The following UST variants were observed in gnomAD, a reference collection of about 807,000 sequenced individuals.
UST encodes the protein uronyl 2-sulfotransferase, also known as chondroitin sulfate 2-O-sulfotransferase.
A neutral mutation model predicts 45.6 loss-of-function variants in UST; 21 were observed. That is an observed-to-expected ratio of 0.46 (90% CI 0.33 to 0.66). The LOEUF is 0.66. UST is among the 30% of genes least tolerant of loss of function. The pLI, the probability that UST is intolerant of heterozygous loss-of-function variation, is 0.02. For synonymous variants in UST, 215 were observed against 200.6 expected (o/e 1.07, Z -0.61); for missense variants, 463 against 512.4 (o/e 0.90, Z 0.93).
intron 5 of UST, among the ~76,000 whole-genome samples, chr6:149,008,751 C>T (rs1028857195): frequency 6.6e-6 from 1 of 152,174 alleles, no homozygotes; most frequent in African/African-American, 2.4e-5. Flanking sequence ...TATTTCATCC[C>T]TACCTGGGAA....
rs375903328 is a variant in UST at position 148,969,985 on chromosome 6, G to A, written c.681+5422G>A. Among the ~76,000 whole-genome samples, 42 of 152,322 alleles carry A rather than the reference G, an allele frequency of 2.8e-4. No individual in the cohort carries two copies. In the East Asian group the frequency reaches 4.3e-3, roughly 15 times the overall value. On this transcript the variant is annotated intron_variant, in intron 5 of 7. Transcript: ENST00000367463. ...GCACTCTCCCTCTCCGAGGAGTAAC[G>A]AGAAAGGCACGCCAGAGCCGAATGC...
chr6:148,957,459 T>A (rs1022186903), intron 4 of UST, among the ~76,000 whole-genome samples: 2 of 152,196 alleles, frequency 1.3e-5, no homozygotes, highest in Non-Finnish European at 2.9e-5. Flanking sequence ...TTACTTTTTT[T>A]TGAGATGGAG....
chr6:148,762,591 G>T (rs961591), intron 1 of UST, among the ~76,000 whole-genome samples: 2 of 150,748 alleles, frequency 1.3e-5, no homozygotes, highest in Non-Finnish European at 3.0e-5. Context: ...TTTTACATGG[G>T]TATATTGCAT....
In UST at chr6:149,076,855, G is replaced by T. The variant is rs953947505; in HGVS notation, c.*2739G>T. Reference sequence around the variant, plus strand: ...GAACCTTCAGCCTACTTTCTTGAGTGCCGTAAAAGTGCTTGTAAATCTTTT... The same window carrying T: ...GAACCTTCAGCCTACTTTCTTGAGTTCCGTAAAAGTGCTTGTAAATCTTTT... On this transcript the variant is annotated 3_prime_UTR_variant, in exon 8 of 8. Coordinates refer to ENST00000367463, the MANE Select transcript of UST (RefSeq NM_005715.3). 2.0e-5 allele frequency: 3 copies of T among 151,300 alleles called. No individual in the cohort carries two copies. The highest frequency in any genetic ancestry group is 7.3e-5 in the African/African-American group (3 of 41,048). 9.4% of individuals were successfully genotyped at this position (151,300 alleles called of 1,614,324 possible).
intron 7 of UST, 140 bp downstream of exon 7, chr6:149,021,621 GGAAA>G: frequency 3.9e-6 from 4 of 1,022,912 alleles, no homozygotes; most frequent in Non-Finnish European, 5.6e-6. Flanking sequence ...GGCTTGCAAA[GGAAA>G]GTTAGAACCA....
rs529509838 is a variant in UST at position 149,026,271 on chromosome 6, G to A, written c.937+4790G>A. Among the ~76,000 whole-genome samples, 14 of 151,964 alleles carry A rather than the reference G, an allele frequency of 9.2e-5. No homozygotes were observed. In the East Asian group the frequency reaches 1.5e-3, roughly 17 times the overall value. ...GAGGCTGCAGTGAGCTATGATGATC[G>A]CACCCATTGCACTCTAGCCTAGGTG... On this transcript the variant is annotated intron_variant, in intron 7 of 7. Coordinates refer to ENST00000367463, the MANE Select transcript of UST (RefSeq NM_005715.3).
intron 2 of UST, among the ~76,000 whole-genome samples, chr6:148,892,670 GA>G (rs748689455): frequency 1.5e-3 from 222 of 152,278 alleles, no homozygotes; most frequent in Non-Finnish European, 2.2e-3. Context: ...TCTTGCACAA[GA>G]AAAATAGAAC....
intron 1 of UST, among the ~76,000 whole-genome samples, chr6:148,852,894 G>A (rs974144948): frequency 2.0e-5 from 3 of 152,138 alleles, no homozygotes; most frequent in African/African-American, 4.8e-5. Context: ...GCCCAGCACC[G>A]AGGACAGTGC....
chr6:148,914,848 A>G (rs1779553745), intron 2 of UST, among the ~76,000 whole-genome samples: 1 of 152,242 alleles, frequency 6.6e-6, no homozygotes, highest in African/African-American at 2.4e-5. Context: ...TATACATGTA[A>G]TATAAAAGAT....
At chr6:148,998,734 A>C (rs1781494930) in intron 5 of UST, among the ~76,000 whole-genome samples, 1 of 152,254 alleles carries the variant, frequency 6.6e-6, no homozygotes, top group Non-Finnish European at 1.5e-5. Flanking sequence ...AGATGAGTCA[A>C]TATTAGAAGG....
intron 1 of UST, among the ~76,000 whole-genome samples, chr6:148,872,894 G>C (rs1286795324): frequency 6.6e-6 from 1 of 152,140 alleles, no homozygotes; most frequent in African/African-American, 2.4e-5. Flanking sequence ...TTCGTCCCAA[G>C]TAATCTAGGA....
intron 7 of UST, among the ~76,000 whole-genome samples, chr6:149,070,333 A>G (rs1431569722): frequency 2.6e-5 from 4 of 152,244 alleles, no homozygotes; most frequent in Non-Finnish European, 5.9e-5. Context: ...CCCGCCCCAG[A>G]TTAGCTAGAG....
At chr6:148,910,564 A>G (rs1779452805) in intron 2 of UST, among the ~76,000 whole-genome samples, 1 of 152,118 alleles carries the variant, frequency 6.6e-6, no homozygotes, top group African/African-American at 2.4e-5. Flanking sequence ...CCACAGACTC[A>G]CATCTTTAAA....
chr6:148,774,404 A>G (rs1776491211), intron 1 of UST, among the ~76,000 whole-genome samples: 1 of 151,930 alleles, frequency 6.6e-6, no homozygotes, highest in African/African-American at 2.4e-5. Context: ...ATTATTTGTG[A>G]AATGTGTAAA....
At chr6:148,859,025 G>A (rs1401144200) in intron 1 of UST, among the ~76,000 whole-genome samples, 1 of 152,190 alleles carries the variant, frequency 6.6e-6, no homozygotes, top group Non-Finnish European at 1.5e-5. Flanking sequence ...GTAATGGGAT[G>A]GCTTGGTCAA....
intron 2 of UST, among the ~76,000 whole-genome samples, chr6:148,888,242 A>C (rs978902723): frequency 6.6e-6 from 1 of 152,050 alleles, no homozygotes; most frequent in Non-Finnish European, 1.5e-5. Context: ...ACCAGATCTC[A>C]CAGGAACTCA....
intron 7 of UST, among the ~76,000 whole-genome samples, chr6:149,026,853 A>G (rs1371065194): frequency 6.6e-6 from 1 of 152,230 alleles, no homozygotes; most frequent in African/African-American, 2.4e-5. Context: ...AAATGTAAAC[A>G]CTGGAGCCAC....
At chr6:148,910,134 C>CTTTTTTTTTTTTTTTTTT (rs148286486) in intron 2 of UST, among the ~76,000 whole-genome samples, 1 of 103,444 alleles carries the variant, frequency 9.7e-6, no homozygotes, top group Non-Finnish European at 1.9e-5. Flanking sequence ...GCCTGGGATG[C>CTTTTTTTTTTTTTTTTTT]TTTTTTTTTT....
intron 5 of UST, among the ~76,000 whole-genome samples, chr6:148,970,906 C>T (rs1053575365): frequency 9.2e-5 from 14 of 152,194 alleles, no homozygotes; most frequent in Non-Finnish European, 1.3e-4. Context: ...CCCGATAATC[C>T]GGCATAGTGT....
Sources: gnomAD v4.1 joint callset for allele counts (sites outside exome capture counted in the v4.1 genomes callset) on GRCh38, gnomAD v4.1.1 for gene constraint, MANE v1.5 for transcripts, NCBI Gene and HGNC (gene_info 2026-07-23, HGNC 2026-07-21) for gene names.